The following CLNK variants were observed in gnomAD, a reference collection of about 807,000 sequenced individuals.
CLNK encodes cytokine-dependent hematopoietic cell linker.
Under a neutral mutation model 68.6 loss-of-function variants are expected in CLNK, and 74 were observed. The observed-to-expected ratio is 1.08, with a 90% CI of 0.89 to 1.31. The LOEUF is 1.31. Ranked by LOEUF, CLNK falls within the 50% of genes most tolerant of loss-of-function variation. The pLI is 0.00. For missense variants in CLNK, 553 were observed against 515.3 expected, an observed-to-expected ratio of 1.07 and a Z score of -0.71; for synonymous variants, 198 against 172.2, an observed-to-expected ratio of 1.15 and a Z score of -1.17.
At chr4:10,671,188 C>A (rs976364361) in intron 1 of CLNK, among the ~76,000 whole-genome samples, 1 of 152,012 alleles carries the variant, frequency 6.6e-6, no homozygotes, top group Non-Finnish European at 1.5e-5. Flanking sequence ...GAGTTCGAGG[C>A]CAGCCTGGCC....
chr4:10,705,756 T>C, the CLNK span, among the ~76,000 whole-genome samples: 8 of 152,232 alleles, frequency 5.3e-5, no homozygotes, highest in Non-Finnish European at 8.8e-5. Flanking sequence ...AATTCTCTTT[T>C]GTGGTGTAGC....
At chr4:10,576,851 A>G (rs902421647) in intron 4 of CLNK, among the ~76,000 whole-genome samples, 2 of 152,216 alleles carry the variant, frequency 1.3e-5, no homozygotes, top group East Asian at 1.9e-4. Context: ...AAGACAGGCC[A>G]TTAGGTAAAT....
At chr4:10,600,752 C>T (rs1319505825) in intron 2 of CLNK, among the ~76,000 whole-genome samples, 4 of 152,208 alleles carry the variant, frequency 2.6e-5, no homozygotes, top group Non-Finnish European at 5.9e-5. Flanking sequence ...TGGACAGAGT[C>T]CTTTGAATCT....
At chr4:10,629,988 A>G (rs548605453) in intron 2 of CLNK, among the ~76,000 whole-genome samples, 22 of 152,312 alleles carry the variant, frequency 1.4e-4, no homozygotes, top group Non-Finnish European at 2.6e-4. Flanking sequence ...GTCAATCCCA[A>G]GTCATGCTTG....
chr4:10,598,901 TCTGGTC>T (rs1721482315), intron 2 of CLNK, among the ~76,000 whole-genome samples: 1 of 152,194 alleles, frequency 6.6e-6, no homozygotes, highest in Admixed American at 6.5e-5. Flanking sequence ...TTTGCCTCTT[TCTGGTC>T]CTTGGACTTT....
At chr4:10,598,098 G>A (rs1313670224) in intron 2 of CLNK, 49 bp from the exon 3 acceptor site, 2 of 1,325,100 alleles carry the variant, frequency 1.5e-6, no homozygotes, top group African/African-American at 1.5e-5. Context: ...AAGAAGCTAG[G>A]GGAAAAATTA....
intron 2 of CLNK, among the ~76,000 whole-genome samples, chr4:10,650,316 G>C (rs1470488376): frequency 6.6e-6 from 1 of 152,028 alleles, no homozygotes; most frequent in Non-Finnish European, 1.5e-5. Flanking sequence ...AGATGGGAAA[G>C]AATGAGAGGA....
intron 2 of CLNK, among the ~76,000 whole-genome samples, chr4:10,622,609 G>A (rs1444770991): frequency 1.3e-5 from 2 of 152,136 alleles, no homozygotes; most frequent in South Asian, 2.1e-4. Flanking sequence ...CATAATTTTG[G>A]TATTAAAACT....
intron 10 of CLNK, among the ~76,000 whole-genome samples, chr4:10,540,963 C>T (rs1369836500): frequency 6.6e-6 from 1 of 152,030 alleles, no homozygotes; most frequent in East Asian, 1.9e-4. Context: ...GCCTGTAATC[C>T]CAGCACTTTG....
At chr4:10,582,134 G>A (rs2108835192) in intron 4 of CLNK, among the ~76,000 whole-genome samples, 1 of 152,262 alleles carries the variant, frequency 6.6e-6, no homozygotes, top group African/African-American at 2.4e-5. Context: ...GCTTGTCCCA[G>A]AGATTCAACT....
chr4:10,630,594 G>T (rs898097684), intron 2 of CLNK, among the ~76,000 whole-genome samples: 1 of 152,180 alleles, frequency 6.6e-6, no homozygotes, highest in Non-Finnish European at 1.5e-5. Context: ...ACTATAGAGG[G>T]AGAGGGAAGG....
intron 2 of CLNK, among the ~76,000 whole-genome samples, chr4:10,615,237 T>TGGGAG (rs1330744531): frequency 6.6e-6 from 1 of 151,498 alleles, no homozygotes; most frequent in Non-Finnish European, 1.5e-5. Context: ...CCCAGCACTT[T>TGGGAG]GGGAGGCCAA....
intron 15 of CLNK, among the ~76,000 whole-genome samples, chr4:10,516,884 G>A (rs1462649299): frequency 1.3e-5 from 2 of 152,178 alleles, no homozygotes; most frequent in Non-Finnish European, 2.9e-5. Context: ...GCCTAAGGAT[G>A]TTTGTTGTGA....
At chr4:10,492,969 A>G (rs1046763994) in intron 18 of CLNK, among the ~76,000 whole-genome samples, 9 of 152,210 alleles carry the variant, frequency 5.9e-5, no homozygotes, top group African/African-American at 2.2e-4. Flanking sequence ...CTGGATCTGC[A>G]GCAGTTTCCA....
chr4:10,589,527 G>A (rs1317586332), intron 3 of CLNK, among the ~76,000 whole-genome samples: 1 of 152,194 alleles, frequency 6.6e-6, no homozygotes, highest in Non-Finnish European at 1.5e-5. Flanking sequence ...ATTAGCAGAG[G>A]AAGCATCAGC....
At chr4:10,631,567 T>TGACTATTGCATATAC (rs1403345459) in intron 2 of CLNK, among the ~76,000 whole-genome samples, 63 of 152,190 alleles carry the variant, frequency 4.1e-4, no homozygotes, top group Non-Finnish European at 8.2e-4. Context: ...TAGACATGTA[T>TGACTATTGCATATAC]ATGCAATGGT....
chr4:10,652,808 G>A (rs561676254), intron 2 of CLNK, among the ~76,000 whole-genome samples: 2 of 152,142 alleles, frequency 1.3e-5, no homozygotes, highest in South Asian at 4.2e-4. Flanking sequence ...CAATTATGGT[G>A]GTATCTACCT....
At chr4:10,537,019 G>A (rs1718785574) in intron 11 of CLNK, among the ~76,000 whole-genome samples, 1 of 152,194 alleles carries the variant, frequency 6.6e-6, no homozygotes, top group South Asian at 2.1e-4. Flanking sequence ...TTCCCTCTGG[G>A]TTCTTAGCCC....
At chr4:10,533,156 G>T (rs1309081169) in intron 11 of CLNK, among the ~76,000 whole-genome samples, 2 of 152,188 alleles carry the variant, frequency 1.3e-5, no homozygotes, top group Non-Finnish European at 1.5e-5. Flanking sequence ...TACTCGGGAG[G>T]CTGAGGCAGG....
Sources: allele counts gnomAD v4.1 joint callset (sites outside exome capture counted in the v4.1 genomes callset), GRCh38; gene constraint gnomAD v4.1.1; transcripts MANE v1.5; gene names NCBI Gene and HGNC (gene_info 2026-07-23, HGNC 2026-07-21).